The following CTIF variants were observed in gnomAD, a reference collection of about 807,000 sequenced individuals.
CTIF encodes CBP80/20-dependent translation initiation factor.
A neutral mutation model predicts 66.0 loss-of-function variants in CTIF; 21 were observed. That is an observed-to-expected ratio of 0.32 (90% CI 0.23 to 0.46). The LOEUF is 0.46. Ranked by LOEUF, CTIF falls within the 20% of genes least tolerant of loss-of-function variation. CTIF has a pLI of 1.00. For missense variants in CTIF, 739 were observed against 812.7 expected, an observed-to-expected ratio of 0.91 and a Z score of 1.10; for synonymous variants, 345 against 326.4, an observed-to-expected ratio of 1.06 and a Z score of -0.62.
chr18:48,681,066 T>A (rs1025194392), intron 6 of CTIF, among the ~76,000 whole-genome samples: 3 of 152,260 alleles, frequency 2.0e-5, no homozygotes, highest in African/African-American at 7.2e-5. Context: ...CACTGACTCT[T>A]ACTGGCTGGA....
chr18:48,620,556 A>G (rs2090475177), intron 2 of CTIF, among the ~76,000 whole-genome samples: 1 of 152,162 alleles, frequency 6.6e-6, no homozygotes, highest in Admixed American at 6.5e-5. Context: ...GTGTTTTCTT[A>G]TCTGGCAAAT....
At chr18:48,858,040 C>T (rs1161788408) in intron 11 of CTIF, among the ~76,000 whole-genome samples, 4 of 152,270 alleles carry the variant, frequency 2.6e-5, no homozygotes, top group African/African-American at 9.6e-5. Context: ...CCCGAAAGCA[C>T]ACCTCTTGGG....
rs535332946 is a variant in CTIF, at chr18:48,711,832, G to A, written c.584+137G>A. The stretch of plus-strand genomic sequence containing the variant: ...TGAGATGGGGTTGGTGGCATCGTGG[G>A]TTGGTTACTGGCTGGGGATTCCCCA... On this transcript the variant is annotated intron_variant, in intron 7 of 11. Coordinates refer to ENST00000256413, the MANE Select transcript of CTIF (RefSeq NM_014772.3). 38 of 714,850 alleles carry A rather than the reference G, an allele frequency of 5.3e-5. No homozygotes were observed. In the African/African-American group the frequency reaches 5.6e-4, roughly 11 times the overall value. The allele number at this position is 714,850 out of a possible 1,614,324, so 44.3% of individuals were successfully genotyped here. A position where few individuals can be genotyped will look rare whatever the true frequency, so the allele number is the denominator to read the frequency against.
At chr18:48,810,066 A>C (rs79230437) in intron 9 of CTIF, among the ~76,000 whole-genome samples, 2 of 151,972 alleles carry the variant, frequency 1.3e-5, no homozygotes, top group Non-Finnish European at 2.9e-5. Flanking sequence ...TGTGATCTAC[A>C]TATGTAATTT....
chr18:48,677,012 C>T (rs149290159), intron 6 of CTIF, among the ~76,000 whole-genome samples: 1,682 of 152,156 alleles, frequency 0.011, 25 homozygotes, highest in African/African-American at 0.037. Context: ...AGGCCGGGGC[C>T]GCGGCTGGGG....
At chr18:48,726,054 G>A (rs572067293) in intron 7 of CTIF, among the ~76,000 whole-genome samples, 2 of 152,244 alleles carry the variant, frequency 1.3e-5, no homozygotes, top group African/African-American at 4.8e-5. Context: ...TATAAAATAC[G>A]ATATCCACCT....
chr18:48,765,959 T>TG (rs1469061239), intron 9 of CTIF, among the ~76,000 whole-genome samples: 6 of 57,680 alleles, frequency 1.0e-4, no homozygotes, highest in Non-Finnish European at 3.5e-5. Context: ...TCATTTTTTC[T>TG]TTTTTTTATA....
At chr18:48,792,904 TCTGGATAGAAATAAGCCTCAGGGAG>T (rs932018155) in intron 9 of CTIF, among the ~76,000 whole-genome samples, 1 of 152,104 alleles carries the variant, frequency 6.6e-6, no homozygotes, top group African/African-American at 2.4e-5. Flanking sequence ...AGAGGGGTGA[TCTGGATAGAAATAAGCCTCAGGGAG>T]CTAATTTCTA....
At position 48,665,759 on chromosome 18, in the gene CTIF, G is replaced by C. The variant is rs535594716; in HGVS notation, c.431+1208G>C. ...CTCTTGGGCCTGGCTTCTTTCCCTTGGCATAATGTTTTTGAGGTTCATTCA... is the reference window on the plus strand; with the variant it reads ...CTCTTGGGCCTGGCTTCTTTCCCTTCGCATAATGTTTTTGAGGTTCATTCA... On this transcript the variant is annotated intron_variant, in intron 5 of 11. Coordinates refer to ENST00000256413, the MANE Select transcript of CTIF (RefSeq NM_014772.3). 2.0e-5 allele frequency among the ~76,000 whole-genome samples: 3 copies of C among 152,134 alleles called. No homozygotes were observed. In the South Asian group the frequency reaches 6.2e-4, roughly 32 times the overall value.
chr18:48,627,732 A>G (rs1055164627), intron 2 of CTIF, among the ~76,000 whole-genome samples: 1 of 149,262 alleles, frequency 6.7e-6, no homozygotes, highest in Non-Finnish European at 1.5e-5. Context: ...ACAAACAAAC[A>G]AAAAACAGAA....
intron 1 of CTIF, among the ~76,000 whole-genome samples, chr18:48,617,170 T>C (rs185005112): frequency 3.9e-5 from 6 of 152,314 alleles, no homozygotes; most frequent in Non-Finnish European, 7.3e-5. Flanking sequence ...TTGCCAGTTG[T>C]TGACCAGGGA....
intron 9 of CTIF, among the ~76,000 whole-genome samples, chr18:48,774,602 G>A (rs1026627915): frequency 1.3e-5 from 2 of 152,130 alleles, no homozygotes; most frequent in African/African-American, 4.8e-5. Context: ...GGACAGGCAT[G>A]CTCAAAATCG....
intron 9 of CTIF, among the ~76,000 whole-genome samples, chr18:48,804,457 G>A (rs535047118): frequency 4.8e-4 from 73 of 152,326 alleles, no homozygotes; most frequent in South Asian, 4.3e-3. Flanking sequence ...GACGTGGCAT[G>A]ATGGCCAGCT....
intron 3 of CTIF, among the ~76,000 whole-genome samples, chr18:48,650,572 T>A (rs556064024): frequency 6.6e-6 from 1 of 152,188 alleles, no homozygotes; most frequent in Non-Finnish European, 1.5e-5. Context: ...CCAGGAGAAC[T>A]TCCCCAACCT....
intron 10 of CTIF, among the ~76,000 whole-genome samples, chr18:48,824,282 G>A (rs1260426520): frequency 6.6e-6 from 1 of 152,110 alleles, no homozygotes; most frequent in East Asian, 1.9e-4. Context: ...GCATTCTAAG[G>A]ACCTCTTTCT....
At chr18:48,753,626 AACAG>A (rs1908052307) in intron 7 of CTIF, among the ~76,000 whole-genome samples, 1 of 152,098 alleles carries the variant, frequency 6.6e-6, no homozygotes, top group South Asian at 2.1e-4. Context: ...TTATTTTCCT[AACAG>A]CAGGTGTTGC....
intron 6 of CTIF, among the ~76,000 whole-genome samples, chr18:48,691,845 C>A (rs1158749050): frequency 6.6e-6 from 1 of 152,192 alleles, no homozygotes; most frequent in South Asian, 2.1e-4. Context: ...ACTTGCTGCC[C>A]CAGGTATTCC....
chr18:48,860,057 A>T lies in CTIF; in HGVS notation c.*498A>T, dbSNP rs985770406. On this transcript the variant is annotated 3_prime_UTR_variant, in exon 12 of 12. Transcript: ENST00000256413. ...ACTGGCAGCAGGCGACGTGTAGCAG[A>T]TGTCCGGGAGGACAAAGGCAGGCAC... 14 of 418,882 alleles carry T rather than the reference A, an allele frequency of 3.3e-5. No homozygotes were observed. Among genetic ancestry groups the T allele is most frequent in the Non-Finnish European group, 6.8e-5 (14 of 204,900 alleles). The allele number at this position is 418,882 out of a possible 1,614,324, so 25.9% of individuals were successfully genotyped here.
chr18:48,857,590 C>G lies in CTIF; in HGVS notation c.1530C>G (p.Leu510=), dbSNP rs2069359568. ...CTCTCTGCCCCTCTCTTCCACAGCT[C>G]TTGCAATCTCAGGATGTGAAGGAAG... ...VCPIYTCLRE[L]LQSQDVKEDA... The change falls in exon 11 of 12, where the codon CTC becomes CTG. Residue 510 remains leucine, a splice_region_variant and synonymous_variant. Coordinates refer to ENST00000256413, the MANE Select transcript of CTIF (RefSeq NM_014772.3). The G allele has an allele frequency of 1.2e-6, 2 of 1,609,490 alleles. No individual in the cohort carries two copies. The highest frequency in any genetic ancestry group is 1.1e-5 in the South Asian group (1 of 90,070).
Sources: allele counts gnomAD v4.1 joint callset (sites outside exome capture counted in the v4.1 genomes callset), GRCh38; gene constraint gnomAD v4.1.1; transcripts MANE v1.5; gene names NCBI Gene and HGNC (gene_info 2026-07-23, HGNC 2026-07-21).